Variants in ANKRD39 observed in about 807,000 individuals in gnomAD.
The protein encoded by ANKRD39 is ankyrin repeat domain 39.
In ANKRD39, 18 loss-of-function variants were observed where a neutral mutation model predicts 20.3. That is an observed-to-expected ratio of 0.89 (90% CI 0.61 to 1.32). The LOEUF is 1.32. ANKRD39 is among the 40% of genes most tolerant of loss of function. The pLI is 0.00. For missense variants in ANKRD39, 243 were observed against 250.7 expected (o/e 0.97, Z 0.21); for synonymous variants, 106 against 111.9 (o/e 0.95, Z 0.33).
intron 3 of ANKRD39, among the ~76,000 whole-genome samples, chr2:96,850,293 G>A (rs950618028): frequency 2.0e-5 from 3 of 152,236 alleles, no homozygotes; most frequent in Admixed American, 6.5e-5. Context: ...GCAGTGGGAT[G>A]TTGTCAGCAG....
intron 3 of ANKRD39, among the ~76,000 whole-genome samples, chr2:96,849,320 C>T (rs974235160): frequency 2.0e-5 from 3 of 151,914 alleles, no homozygotes; most frequent in Admixed American, 1.3e-4. Context: ...ACGTGGCTAA[C>T]CTTTTTTTAA....
intron 3 of ANKRD39, 55 bp downstream of exon 3, chr2:96,853,346 T>C (rs914390060): frequency 1.3e-6 from 2 of 1,523,906 alleles, no homozygotes; most frequent in Non-Finnish European, 1.8e-6. Flanking sequence ...TACATGAACA[T>C]GTTATAACTT....
chr2:96,854,743 A>C (rs899105850), intron 1 of ANKRD39, among the ~76,000 whole-genome samples: 10 of 152,250 alleles, frequency 6.6e-5, no homozygotes, highest in Admixed American at 5.9e-4. Context: ...CTAGAGTGAA[A>C]TTCAGGTCGG....
intron 1 of ANKRD39, among the ~76,000 whole-genome samples, chr2:96,856,615 T>C (rs1261535146): frequency 1.3e-5 from 2 of 152,160 alleles, no homozygotes; most frequent in African/African-American, 2.4e-5. Context: ...CATTGTACCA[T>C]GTATACAGCA....
At chr2:96,857,762 C>A (rs2079872705) in intron 1 of ANKRD39, 126 bp downstream of exon 1, 3 of 1,020,622 alleles carry the variant, frequency 2.9e-6, no homozygotes, top group Middle Eastern at 2.5e-4. Flanking sequence ...CCCGCCTTCC[C>A]GCACCAGGCC....
intron 2 of ANKRD39, among the ~76,000 whole-genome samples, chr2:96,853,993 G>A (rs1022175070): frequency 4.6e-5 from 7 of 152,130 alleles, no homozygotes; most frequent in African/African-American, 1.7e-4. Context: ...TGGGTGTGGT[G>A]GCACATGCCT....
intron 3 of ANKRD39, among the ~76,000 whole-genome samples, chr2:96,851,497 C>T (rs2079836898): frequency 6.6e-6 from 1 of 152,044 alleles, no homozygotes; most frequent in African/African-American, 2.4e-5. Context: ...TGCCATGTTG[C>T]CCAGCCTGGT....
chr2:96,848,735 C>A (rs1218536903), intron 3 of ANKRD39, among the ~76,000 whole-genome samples: 1 of 152,026 alleles, frequency 6.6e-6, no homozygotes, highest in African/African-American at 2.4e-5. Context: ...ACAGGAATAT[C>A]GCTTGAACCC....
intron 1 of ANKRD39, among the ~76,000 whole-genome samples, chr2:96,857,234 T>TCGAGGGCTGCATCCG (rs1378047250): frequency 6.6e-6 from 1 of 152,104 alleles, no homozygotes; most frequent in Non-Finnish European, 1.5e-5. Flanking sequence ...GCAGTGGCAA[T>TCGAGGGCTGCATCCG]CGAGGGCTGC....
chr2:96,848,352 T>C lies in ANKRD39; in HGVS notation c.501A>G (p.Ala167=). The C allele has an allele frequency of 6.2e-7, 1 of 1,614,182 alleles. No homozygotes were observed. Among genetic ancestry groups the C allele is most frequent in the South Asian group, 1.1e-5 (1 of 91,084 alleles). Residue 167 remains alanine, a synonymous_variant, in exon 4 of 4, where the codon GCA becomes GCG. Coordinates refer to ENST00000393537, the MANE Select transcript of ANKRD39 (RefSeq NM_016466.6). Reference sequence around the variant, plus strand: ...CACTGTTGCAAGGCAGCAGGTCACATGCTAGCCGTGCCTTTCGGTCCCGGA... The same window carrying C: ...CACTGTTGCAAGGCAGCAGGTCACACGCTAGCCGTGCCTTTCGGTCCCGGA... ...KAIRDRKARL[A]CDLLPCNSDL...
intron 1 of ANKRD39, among the ~76,000 whole-genome samples, chr2:96,857,679 G>A (rs1035228272): frequency 2.8e-4 from 42 of 152,254 alleles, no homozygotes; most frequent in East Asian, 1.2e-3. Flanking sequence ...CGCCGCCCGC[G>A]GGACAGGTGT....
chr2:96,848,551 G>A (rs962696242), intron 3 of ANKRD39, 107 bp from the exon 4 acceptor site: 2 of 1,441,254 alleles, frequency 1.4e-6, no homozygotes, highest in Admixed American at 4.2e-5. Flanking sequence ...GCCTCTCTGG[G>A]CGCAGTGGCT....
chr2:96,850,692 A>AC (rs1559024724), intron 3 of ANKRD39, among the ~76,000 whole-genome samples: 1 of 151,934 alleles, frequency 6.6e-6, no homozygotes, highest in Non-Finnish European at 1.5e-5. Context: ...AAAAAAAAAA[A>AC]CAAAAACATA....
intron 1 of ANKRD39, among the ~76,000 whole-genome samples, chr2:96,856,073 G>T (rs995754172): frequency 6.6e-6 from 1 of 152,218 alleles, no homozygotes; most frequent in African/African-American, 2.4e-5. Context: ...TGTGACAACA[G>T]TAGCTAAAAC....
Position 96,857,769 on chromosome 2 carries a change from GGCCCCAAGCCCCAA to G in ANKRD39, c.100+105_100+118del, listed in dbSNP as rs556581970. The G allele has an allele frequency of 6.5e-6, 7 of 1,073,334 alleles. No homozygotes were observed. In the Admixed American group the frequency reaches 8.1e-5, roughly 12 times the overall value. 66.5% of individuals were successfully genotyped at this position (1,073,334 alleles called of 1,614,324 possible). A position where few individuals can be genotyped will look rare whatever the true frequency, so the allele number is the denominator to read the frequency against. ...GGGTCCCGCCCGCCTTCCCGCACCA[GGCCCCAAGCCCCAA>G]GCCCCAAGCTCTCGGGGCCCCGTTC... On this transcript the variant is annotated intron_variant, in intron 1 of 3. Coordinates refer to ENST00000393537, the MANE Select transcript of ANKRD39 (RefSeq NM_016466.6).
chr2:96,853,566 C>T lies in ANKRD39; in HGVS notation c.243G>A (p.Gln81=), dbSNP rs953875351. ...ACTTAGCTCCGCTTTCCAGCAGGAACTGGCACACAGCGTAGTGCCCATTGC... is the reference window on the plus strand; with the variant it reads ...ACTTAGCTCCGCTTTCCAGCAGGAATTGGCACACAGCGTAGTGCCCATTGC... ...ASRNGHYAVC[Q]FLLESGAKCD... is the part of the protein sequence containing the mutation. The change falls in exon 3 of 4, where the codon CAG becomes CAA. Residue 81 remains glutamine, a synonymous_variant. Coordinates refer to ENST00000393537, the MANE Select transcript of ANKRD39 (RefSeq NM_016466.6). The T allele has an allele frequency of 6.2e-7, 1 of 1,612,762 alleles. No individual in the cohort carries two copies. Among genetic ancestry groups the T allele is most frequent in the Non-Finnish European group, 8.5e-7 (1 of 1,180,014 alleles).
chr2:96,857,951 A>G lies in ANKRD39; in HGVS notation c.37T>C (p.Cys13Arg), dbSNP rs759645699. 5 of 1,574,754 alleles carry G rather than the reference A, an allele frequency of 3.2e-6. No homozygotes were observed. Among genetic ancestry groups the G allele is most frequent in the Non-Finnish European group, 4.3e-6 (5 of 1,167,758 alleles). Residue 13 changes from cysteine (C) to arginine (R), a missense_variant, in exon 1 of 4, where the codon TGC becomes CGC. Coordinates refer to ENST00000393537, the MANE Select transcript of ANKRD39 (RefSeq NM_016466.6). Reference protein sequence around the residue: ...TPRPCADGPCCSHPSAVLGVQ... With the variant: ...TPRPCADGPCRSHPSAVLGVQ... ...CCGAGCACCGCGCTGGGATGCGAGC[A>G]GCAGGGCCCGTCCGCGCAGGGCCGA...
rs748869175 is a variant in ANKRD39 at position 96,848,363 on chromosome 2, C to A, written c.490G>T (p.Ala164Ser). 11 of 1,614,046 alleles carry A rather than the reference C, an allele frequency of 6.8e-6. No individual in the cohort carries two copies. Among genetic ancestry groups the A allele is most frequent in the Middle Eastern group, 1.6e-4 (1 of 6,084 alleles). The stretch of plus-strand genomic sequence containing the variant: ...GGCAGCAGGTCACATGCTAGCCGTG[C>A]CTTTCGGTCCCGGATGGCCTTCAGG... ...PALKAIRDRKARLACDLLPCN... is the reference protein window; with the variant it reads ...PALKAIRDRKSRLACDLLPCN... Residue 164 changes from alanine to serine, a missense_variant, in exon 4 of 4, where the codon GCA becomes TCA. Transcript: ENST00000393537.
intron 1 of ANKRD39, among the ~76,000 whole-genome samples, chr2:96,855,161 C>G (rs905086570): frequency 5.3e-5 from 8 of 152,156 alleles, no homozygotes; most frequent in African/African-American, 1.9e-4. Context: ...ACACGCATGC[C>G]TCCAAAGTGA....
Sources: gnomAD v4.1 joint callset for allele counts (sites outside exome capture counted in the v4.1 genomes callset) on GRCh38, gnomAD v4.1.1 for gene constraint, MANE v1.5 for transcripts, NCBI Gene and HGNC (gene_info 2026-07-23, HGNC 2026-07-21) for gene names.